Variants in PNPLA7 observed in about 807,000 individuals in gnomAD.
The protein encoded by PNPLA7 is patatin-like phospholipase domain-containing protein 7.
A neutral mutation model predicts 161.7 loss-of-function variants in PNPLA7; 153 were observed. The observed-to-expected ratio is 0.95, with a 90% CI of 0.83 to 1.08. The LOEUF (loss-of-function observed/expected upper bound fraction) is 1.08. Ranked by LOEUF, PNPLA7 falls within the 50% of genes least tolerant of loss-of-function variation. The pLI is 0.00. For missense variants in PNPLA7, 1,739 were observed against 1,856.6 expected, an observed-to-expected ratio of 0.94 and a Z score of 1.16; for synonymous variants, 809 against 782.1, an observed-to-expected ratio of 1.03 and a Z score of -0.57.
At chr9:137,538,868 A>G (rs1836032281) in intron 8 of PNPLA7, among the ~76,000 whole-genome samples, 1 of 152,146 alleles carries the variant, frequency 6.6e-6, no homozygotes, top group Non-Finnish European at 1.5e-5. Context: ...CCTGGCCAAC[A>G]TGGTGAAACC....
rs1384589215 is a variant in PNPLA7, at chr9:137,537,841, A to C, written c.747+2801T>G. Among the ~76,000 whole-genome samples the C allele has an allele frequency of 3.3e-5, 5 of 152,198 alleles. No homozygotes were observed. ...AAGATCAAGATCAGAAAGAACAAAG[A>C]AATAATGGAGAAAGCCTCTACCCCA... On this transcript the variant is annotated intron_variant, in intron 8 of 34. Transcript: ENST00000406427. This position sits in a 1 kb window ranked among gnomAD's most constrained non-coding sequence, Gnocchi z 4.5.
At chr9:137,544,625 A>G (rs527571400) in intron 4 of PNPLA7, among the ~76,000 whole-genome samples, 2 of 151,952 alleles carry the variant, frequency 1.3e-5, no homozygotes, top group African/African-American at 4.8e-5. Context: ...GAGTTTCTCA[A>G]TTTTCTTTTT....
intron 19 of PNPLA7, among the ~76,000 whole-genome samples, chr9:137,493,517 C>T (rs1391112529): frequency 1.3e-5 from 2 of 152,244 alleles, no homozygotes; most frequent in Non-Finnish European, 2.9e-5. Flanking sequence ...CTTCAGGGCA[C>T]GGTTGGGGAC....
At chr9:137,527,163 A>G (rs2132523736) in intron 8 of PNPLA7, among the ~76,000 whole-genome samples, 1 of 146,606 alleles carries the variant, frequency 6.8e-6, no homozygotes, top group African/African-American at 2.6e-5. Context: ...GCTACTTGGG[A>G]GGCTGAGGCA....
intron 14 of PNPLA7, among the ~76,000 whole-genome samples, chr9:137,503,176 G>A (rs1326666772): frequency 1.3e-5 from 2 of 152,002 alleles, no homozygotes; most frequent in East Asian, 3.9e-4. Context: ...GAGGCTAGGA[G>A]TTCAAGACCA....
chr9:137,473,216 T>C (rs1287252668), intron 25 of PNPLA7, among the ~76,000 whole-genome samples: 1 of 152,144 alleles, frequency 6.6e-6, no homozygotes, highest in African/African-American at 2.4e-5. Context: ...ATGGGAGTTA[T>C]AGTTCAAGGT....
chr9:137,486,907 C>T lies in PNPLA7; in HGVS notation c.2198-2171G>A, dbSNP rs911937168. Among the ~76,000 whole-genome samples the T allele has an allele frequency of 4.6e-5, 7 of 152,052 alleles. No homozygotes were observed. The highest frequency in any genetic ancestry group is 7.4e-5 in the Non-Finnish European group (5 of 67,996). ...TGCTGGTGACCCCCACACCACACAGCTCTCTTCCTGGCCCCAAGGGTCCTG... is the reference window on the plus strand; with the variant it reads ...TGCTGGTGACCCCCACACCACACAGTTCTCTTCCTGGCCCCAAGGGTCCTG... On this transcript the variant is annotated intron_variant, in intron 20 of 34. Transcript: ENST00000406427. The surrounding 1 kb of genome is among the most constrained non-coding windows in gnomAD (Gnocchi z 6.0).
chr9:137,548,873 A>T, intron 1 of PNPLA7, among the ~76,000 whole-genome samples: 1 of 152,186 alleles, frequency 6.6e-6, no homozygotes, highest in East Asian at 1.9e-4. Flanking sequence ...TTCAGAAGCA[A>T]ATACAAGCCC....
At position 137,498,227 on chromosome 9, in the gene PNPLA7, C is replaced by T. The variant is rs147570932; in HGVS notation, c.1776G>A (p.Pro592=). ...AHFYEIMRKQ[P]TVVLGVAHTV... is the part of the protein sequence containing the mutation. ...TGTGCGCCACACCCAGGACGACGGT[C>T]GGCTGCTTCCGCATGATTCTGCCGG... is the stretch of plus-strand genomic sequence containing the variant. Residue 592 remains proline, a synonymous_variant, in exon 17 of 35, where the codon CCG becomes CCA. Coordinates refer to ENST00000406427, the MANE Select transcript of PNPLA7 (RefSeq NM_001098537.3). 2,558 of 1,611,606 alleles carry T rather than the reference C, an allele frequency of 1.6e-3. 2 individuals are homozygous for T. Among genetic ancestry groups the T allele is most frequent in the Non-Finnish European group, 1.9e-3 (2,261 of 1,179,958 alleles).
chr9:137,481,010 C>T lies in PNPLA7; in HGVS notation c.2361G>A (p.Leu787=). The T allele has an allele frequency of 6.4e-7, 1 of 1,551,692 alleles. No individual in the cohort carries two copies. Among genetic ancestry groups the T allele is most frequent in the South Asian group, 1.2e-5 (1 of 84,060 alleles). The change falls in exon 22 of 35, where the codon CTG becomes CTA. Residue 787 remains leucine, a synonymous_variant. Coordinates refer to ENST00000406427, the MANE Select transcript of PNPLA7 (RefSeq NM_001098537.3). Reference sequence around the variant, plus strand: ...GCCGTTTTATGTTGTCACTAGTCAGCAGCAGGGTCGGGCCTGAAAACACCA... The same window carrying T: ...GCCGTTTTATGTTGTCACTAGTCAGTAGCAGGGTCGGGCCTGAAAACACCA... ...HALSAIGPTL[L]LTSDNIKRRL... is the part of the protein sequence containing the mutation.
chr9:137,468,032 C>T lies in PNPLA7; in HGVS notation c.2883-559G>A, dbSNP rs913468659. Among the ~76,000 whole-genome samples the T allele has an allele frequency of 2.0e-5, 3 of 152,144 alleles. No homozygotes were observed. The highest frequency in any genetic ancestry group is 6.5e-5 in the Admixed American group (1 of 15,286). ...CATTGGCCTCTTCTACCCGGAAACA[C>T]GGCTGCCTCCAGCAGGGCGTCTGAG... is the stretch of plus-strand genomic sequence containing the variant. On this transcript the variant is annotated intron_variant, in intron 25 of 34. Transcript: ENST00000406427. The surrounding 1 kb of genome is among the most constrained non-coding windows in gnomAD (Gnocchi z 4.0).
intron 11 of PNPLA7, among the ~76,000 whole-genome samples, chr9:137,519,682 C>T (rs117684134): frequency 2.0e-5 from 3 of 149,214 alleles, no homozygotes; most frequent in Non-Finnish European, 4.5e-5. Context: ...ACCTGGGGCA[C>T]GTGTGAGGGG....
At chr9:137,498,354 A>C in intron 16 of PNPLA7, 109 bp from the exon 17 acceptor site, 1 of 1,491,944 alleles carries the variant, frequency 6.7e-7, no homozygotes, top group Non-Finnish European at 9.0e-7. Context: ...CCCCACCCGG[A>C]AAGTAGAGAG....
rs1395963382 is a variant in PNPLA7, at chr9:137,543,391, T to C, written c.506+41A>G. 3 of 1,612,982 alleles carry C rather than the reference T, an allele frequency of 1.9e-6. No homozygotes were observed. In the African/African-American group the frequency reaches 4.0e-5, roughly 21 times the overall value. On this transcript the variant is annotated intron_variant, in intron 6 of 34. Coordinates refer to ENST00000406427, the MANE Select transcript of PNPLA7 (RefSeq NM_001098537.3). This position sits in a 1 kb window ranked among gnomAD's most constrained non-coding sequence, Gnocchi z 6.9. Reference sequence around the variant, plus strand: ...GGCCCCAGCGAGAAGCCCGGGGCTATGGGAGCTGCCGCAGCCCCCGGGGCT... The same window carrying C: ...GGCCCCAGCGAGAAGCCCGGGGCTACGGGAGCTGCCGCAGCCCCCGGGGCT...
chr9:137,479,084 A>G lies in PNPLA7; in HGVS notation c.2735T>C (p.Val912Ala). The stretch of plus-strand genomic sequence containing the variant: ...CTTGGGCAGGCTCCTCCTGGAGAAG[A>G]CGCGGCGCGGGCAGCAGAGGTGCAG... Reference protein sequence around the residue: ...GHLHLCCPRRVFSRRSLPKLV... With the variant: ...GHLHLCCPRRAFSRRSLPKLV... Residue 912 changes from valine to alanine, a missense_variant, in exon 24 of 35, where the codon GTC (valine) becomes GCC (alanine). Physicochemically the swap from Val to Ala is moderately conservative, Grantham distance 64 (BLOSUM62 0). Coordinates refer to ENST00000406427, the MANE Select transcript of PNPLA7 (RefSeq NM_001098537.3). The G allele has an allele frequency of 1.3e-6, 2 of 1,595,842 alleles. No homozygotes were observed. The highest frequency in any genetic ancestry group is 1.7e-6 in the Non-Finnish European group (2 of 1,170,558).
At chr9:137,529,860 T>C (rs1397126659) in intron 8 of PNPLA7, among the ~76,000 whole-genome samples, 1 of 151,988 alleles carries the variant, frequency 6.6e-6, no homozygotes, top group African/African-American at 2.4e-5. Flanking sequence ...GGTTTCACCA[T>C]GTTGACCAGG....
intron 4 of PNPLA7, among the ~76,000 whole-genome samples, chr9:137,544,468 T>C (rs1436024584): frequency 2.0e-5 from 3 of 152,098 alleles, no homozygotes; most frequent in Non-Finnish European, 4.4e-5. Flanking sequence ...CCGCCTCCAC[T>C]CTGCTCCAGA....
In PNPLA7 at chr9:137,482,047, C is replaced by A. The variant is rs60536338; in HGVS notation, c.2348-1024G>T. Among the ~76,000 whole-genome samples the A allele has an allele frequency of 3.6e-3, 546 of 152,306 alleles. 5 individuals carry two copies. The highest frequency in any genetic ancestry group is 0.013 in the African/African-American group (526 of 41,570). ...CCCCTCTTACAACTGAACTAGAATG[C>A]CCCCTGGGCTCAAGAGACAGCTCTG... On this transcript the variant is annotated intron_variant, in intron 21 of 34. Coordinates refer to ENST00000406427, the MANE Select transcript of PNPLA7 (RefSeq NM_001098537.3).
intron 12 of PNPLA7, 124 bp downstream of exon 12, chr9:137,515,255 G>A (rs984239345): frequency 1.0e-5 from 13 of 1,297,254 alleles, no homozygotes; most frequent in South Asian, 3.0e-5. Flanking sequence ...CCCTGGGCAC[G>A]TGGGGCTCTA....
Sources: gnomAD v4.1 joint callset for allele counts (sites outside exome capture counted in the v4.1 genomes callset) on GRCh38, gnomAD v4.1.1 for gene constraint, Gnocchi (gnomAD v3.1) non-coding constraint, MANE v1.5 for transcripts, NCBI Gene and HGNC (gene_info 2026-07-23, HGNC 2026-07-21) for gene names.